EPCIP: variants seen among roughly 807,000 people sequenced by gnomAD.
EPCIP encodes the protein exosomal polycystin-1-interacting protein.
At chr21:32,799,247 C>T in the EPCIP span, among the ~76,000 whole-genome samples, 2 of 152,190 alleles carry the variant, frequency 1.3e-5, no homozygotes, top group East Asian at 3.9e-4. Flanking sequence ...CTACTCCTCT[C>T]AGTCTCAGCA....
chr21:32,794,373 C>T, the EPCIP span: 1 of 1,614,210 alleles, frequency 6.2e-7, no homozygotes, highest in Non-Finnish European at 8.5e-7. Context: ...AGTGCAAAGA[C>T]ACCCAGAGTG....
chr21:32,806,103 G>A, the EPCIP span, among the ~76,000 whole-genome samples: 1 of 152,112 alleles, frequency 6.6e-6, no homozygotes, highest in Non-Finnish European at 1.5e-5. Context: ...GTCCGGTCAG[G>A]TAGCAAGCAG....
chr21:32,793,981 G>A, the EPCIP span: 12 of 1,614,068 alleles, frequency 7.4e-6, no homozygotes, highest in African/African-American at 1.2e-4. Flanking sequence ...TGGAGTCACT[G>A]TCCCCACCGC....
At chr21:32,793,723 A>G in the EPCIP span, 7 of 1,592,648 alleles carry the variant, frequency 4.4e-6, no homozygotes, top group African/African-American at 1.3e-5. Flanking sequence ...ATTATTCATC[A>G]TTTGCCAAAG....
At chr21:32,805,614 A>C in the EPCIP span, among the ~76,000 whole-genome samples, 2 of 152,146 alleles carry the variant, frequency 1.3e-5, no homozygotes, top group South Asian at 2.1e-4. Context: ...TGCCTGCCTC[A>C]GCCTCCGAAA....
At chr21:32,794,156 G>A in the EPCIP span, 100 of 1,614,108 alleles carry the variant, frequency 6.2e-5, no homozygotes, top group Admixed American at 1.0e-4. Context: ...GTGGCCCAGC[G>A]CAGATGTGTC....
the EPCIP span, among the ~76,000 whole-genome samples, chr21:32,803,650 C>T: frequency 2.6e-5 from 4 of 151,976 alleles, no homozygotes; most frequent in South Asian, 2.1e-4. Context: ...TATTTGAAAA[C>T]GGAATGATAT....
chr21:32,810,836 A>G, the EPCIP span, among the ~76,000 whole-genome samples: 1 of 152,174 alleles, frequency 6.6e-6, no homozygotes, highest in Non-Finnish European at 1.5e-5. Flanking sequence ...TCAGACTCCT[A>G]TGAGAAATGT....
chr21:32,812,762 T>C, the EPCIP span, among the ~76,000 whole-genome samples: 2 of 152,290 alleles, frequency 1.3e-5, no homozygotes, highest in East Asian at 3.9e-4. Flanking sequence ...ACATTTCCTG[T>C]CCTCAGTATA....
the EPCIP span, among the ~76,000 whole-genome samples, chr21:32,795,408 G>A: frequency 6.6e-6 from 1 of 152,232 alleles, no homozygotes; most frequent in Non-Finnish European, 1.5e-5. Flanking sequence ...CCTTTGTGGT[G>A]TGATTGGAAT....
the EPCIP span, chr21:32,793,669 A>G: frequency 9.0e-7 from 1 of 1,116,404 alleles, no homozygotes; most frequent in Non-Finnish European, 1.4e-6. Context: ...AGTTGTGGGT[A>G]GGGATACCTA....
At chr21:32,796,286 C>A in the EPCIP span, among the ~76,000 whole-genome samples, 4 of 152,170 alleles carry the variant, frequency 2.6e-5, no homozygotes, top group African/African-American at 9.7e-5. Flanking sequence ...GAGGAGGGGG[C>A]AAATGCAGGA....
chr21:32,800,813 A>C, the EPCIP span, among the ~76,000 whole-genome samples: 1 of 4,892 alleles, frequency 2.0e-4, no homozygotes, highest in South Asian at 0.01. Flanking sequence ...CAAAAAAACA[A>C]AAAAAAAACC....
At chr21:32,794,259 T>A in the EPCIP span, 2 of 1,614,124 alleles carry the variant, frequency 1.2e-6, no homozygotes, top group Non-Finnish European at 1.7e-6. Flanking sequence ...TTGGCCAAAC[T>A]GTAGTCACAA....
chr21:32,798,640 A>C, the EPCIP span: 1 of 151,260 alleles, frequency 6.6e-6, no homozygotes, highest in Admixed American at 6.6e-5. Context: ...ACTCCAGCCT[A>C]GATGACAGAA....
the EPCIP span, chr21:32,810,512 C>T: frequency 1.3e-5 from 6 of 459,080 alleles, no homozygotes; most frequent in African/African-American, 2.0e-5. Context: ...CCGCCCGCCT[C>T]GGCCTCCCAA....
At chr21:32,810,803 C>T in the EPCIP span, 3 of 394,460 alleles carry the variant, frequency 7.6e-6, no homozygotes, top group East Asian at 7.3e-5. Context: ...GCCAAATACA[C>T]AGCTCCTGAT....
chr21:32,812,113 G>C, the EPCIP span, among the ~76,000 whole-genome samples: 1 of 152,228 alleles, frequency 6.6e-6, no homozygotes, highest in East Asian at 1.9e-4. Context: ...GTGGGACAAA[G>C]AATTCTCAGA....
chr21:32,803,858 C>T, the EPCIP span, among the ~76,000 whole-genome samples: 1 of 152,154 alleles, frequency 6.6e-6, no homozygotes. Context: ...ATGCTGAAGT[C>T]ACCGTTCTGT....
Sources: gnomAD v4.1 joint callset for allele counts (sites outside exome capture counted in the v4.1 genomes callset) on GRCh38, gnomAD v4.1.1 for gene constraint, MANE v1.5 for transcripts, NCBI Gene and HGNC (gene_info 2026-07-23, HGNC 2026-07-21) for gene names.